Variants in FAT4 observed in about 807,000 individuals in gnomAD.
FAT4 encodes the protein FAT atypical cadherin 4, also known as protocadherin Fat 4.
A neutral mutation model predicts 303.9 loss-of-function variants in FAT4; 84 were observed. The ratio of observed to expected loss-of-function variants is 0.28; its 90% confidence interval spans 0.23 to 0.33. The LOEUF is 0.33. FAT4 is among the 10% of genes least tolerant of loss of function. The pLI, the probability that FAT4 is intolerant of heterozygous loss-of-function variation, is 1.00. For synonymous variants in FAT4, 2,307 were observed against 2,298.8 expected (o/e 1.00, Z -0.10); for missense variants, 6,005 against 6,146.8 (o/e 0.98, Z 0.77).
At chr4:125,382,880 G>T (rs948307099) in intron 2 of FAT4, among the ~76,000 whole-genome samples, 1 of 152,174 alleles carries the variant, frequency 6.6e-6, no homozygotes, top group African/African-American at 2.4e-5. Context: ...TTCACCTTGT[G>T]CTTTTATGTT....
At chr4:125,327,496 C>A (rs1452384491) in intron 2 of FAT4, among the ~76,000 whole-genome samples, 2 of 152,026 alleles carry the variant, frequency 1.3e-5, no homozygotes, top group Non-Finnish European at 2.9e-5. Context: ...GATTTTGTTT[C>A]TTCCCTATTG....
chr4:125,438,627 A>C (rs923349549), intron 8 of FAT4, among the ~76,000 whole-genome samples: 1 of 152,214 alleles, frequency 6.6e-6, no homozygotes, highest in African/African-American at 2.4e-5. Flanking sequence ...TGAATAAAAA[A>C]CATTCAATTC....
In FAT4 at chr4:125,407,141, G is replaced by A; in HGVS notation, c.5569G>A (p.Gly1857Ser). 1 of 1,608,318 alleles carries A rather than the reference G, an allele frequency of 6.2e-7. No individual in the cohort carries two copies. Among genetic ancestry groups the A allele is most frequent in the Non-Finnish European group, 8.5e-7 (1 of 1,175,382 alleles). The change falls in exon 4 of 18, where the codon GGT becomes AGT. Residue 1857 changes from glycine (G) to serine (S), a missense_variant and splice_region_variant. Gly to Ser is a moderately conservative substitution (Grantham distance 56, BLOSUM62 0). Transcript: ENST00000394329. ...TGACATTCCTGAGGACACAATCCCTGGTAGGTGATGGGTCTCTTATGTGTA... is the reference window on the plus strand; with the variant it reads ...TGACATTCCTGAGGACACAATCCCTAGTAGGTGATGGGTCTCTTATGTGTA... ...SFDIPEDTIP[G>S]SLVAAILATD... is the part of the protein sequence containing the mutation.
Position 125,448,763 on chromosome 4 carries a change from A to C in FAT4, c.7753A>C (p.Ser2585Arg). The C allele has an allele frequency of 6.2e-7, 1 of 1,612,548 alleles. No homozygotes were observed. The highest frequency in any genetic ancestry group is 8.5e-7 in the Non-Finnish European group (1 of 1,179,920). ...TFMFPENQPV[S>R]SLVTTITGSS... ...CATGTTTCCTGAAAACCAACCAGTC[A>C]GCTCTCTTGTCACCACCATCACAGG... is the stretch of plus-strand genomic sequence containing the variant. Residue 2585 changes from serine to arginine, a missense_variant, in exon 10 of 18, where the codon AGC (serine) becomes CGC (arginine). Physicochemically the swap from Ser to Arg is moderately radical, Grantham distance 110. Transcript: ENST00000394329.
chr4:125,413,501 T>G (rs1374504178), intron 5 of FAT4, among the ~76,000 whole-genome samples: 1 of 151,924 alleles, frequency 6.6e-6, no homozygotes, highest in Non-Finnish European at 1.5e-5. Context: ...ATCCTAGAAA[T>G]TTTTGTTAAT....
In FAT4 at chr4:125,315,096, G is replaced by T. The variant is rs976638600; in HGVS notation, c.-894G>T. On this transcript the variant is annotated 5_prime_UTR_variant, in exon 1 of 18. It removes an upstream start codon present in the reference 5' UTR. Transcript: ENST00000394329. ...CGTGTGTATGTGTGTGTGTGTGCAT[G>T]CCTGTGCGGCGGGGAAGGGGCGGGG... is the stretch of plus-strand genomic sequence containing the variant. 6.6e-6 allele frequency among the ~76,000 whole-genome samples: 1 copy of T among 152,074 alleles called. No homozygotes were observed. The highest frequency in any genetic ancestry group is 2.4e-5 in the African/African-American group (1 of 41,404).
At chr4:125,437,159 C>T (rs1037754902) in intron 8 of FAT4, among the ~76,000 whole-genome samples, 2 of 151,986 alleles carry the variant, frequency 1.3e-5, no homozygotes, top group Non-Finnish European at 1.5e-5. Context: ...CTGGCCGACA[C>T]ATGGGGATTA....
intron 7 of FAT4, among the ~76,000 whole-genome samples, chr4:125,417,390 G>A (rs746456922): frequency 9.9e-5 from 15 of 152,136 alleles, no homozygotes; most frequent in Non-Finnish European, 1.9e-4. Context: ...GGCTGCTCAA[G>A]AACAAAGTCC....
chr4:125,321,158 G>T lies in FAT4; in HGVS notation c.4747G>T (p.Asp1583Tyr). 1 of 1,614,144 alleles carries T rather than the reference G, an allele frequency of 6.2e-7. No homozygotes were observed. Among genetic ancestry groups the T allele is most frequent in the Non-Finnish European group, 8.5e-7 (1 of 1,179,986 alleles). The stretch of plus-strand genomic sequence containing the variant: ...CTTCATTGTTGATCGTTATAGTGGA[G>T]ACCTGAGAGTGGCTTCAGCGTTGGT... ...DTFIVDRYSG[D>Y]LRVASALVPS... The change falls in exon 2 of 18, where the codon GAC becomes TAC. Residue 1583 changes from aspartate to tyrosine, a missense_variant. By Grantham distance (160) the Asp-to-Tyr change is radical. Transcript: ENST00000394329.
intron 2 of FAT4, among the ~76,000 whole-genome samples, chr4:125,334,366 A>T (rs1255318158): frequency 6.6e-6 from 1 of 151,948 alleles, no homozygotes; most frequent in South Asian, 2.1e-4. Flanking sequence ...TCCCATCCAT[A>T]TTGTTGTCCC....
chr4:125,402,493 A>G (rs975251053), intron 3 of FAT4, among the ~76,000 whole-genome samples: 5 of 152,046 alleles, frequency 3.3e-5, no homozygotes, highest in Non-Finnish European at 5.9e-5. Context: ...ACACCTGAAT[A>G]TACAAGGTAA....
intron 8 of FAT4, among the ~76,000 whole-genome samples, chr4:125,443,639 C>T (rs1354559511): frequency 1.3e-5 from 2 of 152,014 alleles, no homozygotes; most frequent in African/African-American, 4.8e-5. Context: ...TATAAATTGC[C>T]CAGTAGTGTG....
chr4:125,430,126 G>C (rs996512526), intron 7 of FAT4, among the ~76,000 whole-genome samples: 2 of 149,098 alleles, frequency 1.3e-5, no homozygotes, highest in Non-Finnish European at 3.0e-5. Flanking sequence ...AAACCTGCAC[G>C]TTGTGCACAT....
chr4:125,451,493 A>G lies in FAT4; in HGVS notation c.10483A>G (p.Ser3495Gly), dbSNP rs767617118. The G allele has an allele frequency of 6.2e-6, 10 of 1,614,002 alleles. No individual in the cohort carries two copies. The African/African-American group carries it at 9.3e-5, about 15-fold the overall frequency. ...VDSGTPSATGSASLLVTLEDI... is the reference protein window; with the variant it reads ...VDSGTPSATGGASLLVTLEDI... ...TTCAGGGACCCCCTCAGCTACAGGTAGTGCCTCTTTATTAGTCACCCTGGA... is the reference window on the plus strand; with the variant it reads ...TTCAGGGACCCCCTCAGCTACAGGTGGTGCCTCTTTATTAGTCACCCTGGA... The change falls in exon 10 of 18, where the codon AGT becomes GGT. Residue 3495 changes from serine (S) to glycine (G), a missense_variant. By Grantham distance (56) the Ser-to-Gly change is moderately conservative. Transcript: ENST00000394329.
chr4:125,361,991 C>T (rs1732693170), intron 2 of FAT4, among the ~76,000 whole-genome samples: 1 of 151,936 alleles, frequency 6.6e-6, no homozygotes, highest in African/African-American at 2.4e-5. Context: ...TATTATTTTC[C>T]CTACTAACCA....
chr4:125,392,653 G>C (rs1363427017), intron 2 of FAT4, among the ~76,000 whole-genome samples: 2 of 152,016 alleles, frequency 1.3e-5, no homozygotes, highest in Non-Finnish European at 2.9e-5. Flanking sequence ...GCATTGATAA[G>C]ACGAACTCTC....
chr4:125,491,852 T>C lies in FAT4; in HGVS notation c.*84T>C. The C allele has an allele frequency of 7.1e-7, 1 of 1,398,794 alleles. No individual in the cohort carries two copies. Among genetic ancestry groups the C allele is most frequent in the Non-Finnish European group, 9.6e-7 (1 of 1,047,062 alleles). 86.6% of individuals were successfully genotyped at this position (1,398,794 alleles called of 1,614,324 possible). A position where few individuals can be genotyped will look rare whatever the true frequency, so the allele number is the denominator to read the frequency against. The stretch of plus-strand genomic sequence containing the variant: ...AAGTTGCTGACTAGGTTGGGTCACA[T>C]TTGAAAAACAGGCCAGTATGGACTA... On this transcript the variant is annotated 3_prime_UTR_variant, in exon 18 of 18. Coordinates refer to ENST00000394329, the MANE Select transcript of FAT4 (RefSeq NM_001291303.3).
At chr4:125,469,515 TATTA>T (rs1179228100) in intron 12 of FAT4, among the ~76,000 whole-genome samples, 7 of 152,240 alleles carry the variant, frequency 4.6e-5, no homozygotes, top group Non-Finnish European at 1.0e-4. Flanking sequence ...GATGCTAATT[TATTA>T]ATTAAGCCTA....
rs573499833 is a variant in FAT4 at position 125,315,707 on chromosome 4, G to A, written c.-283G>A. The stretch of plus-strand genomic sequence containing the variant: ...AAGGGGCAGAGTTGAGCGCTCCCGG[G>A]TACGGGAGCCAGAGCGCGAACGCTA... On this transcript the variant is annotated 5_prime_UTR_variant, in exon 1 of 18. Transcript: ENST00000394329. Among the ~76,000 whole-genome samples, 171 of 152,170 alleles carry A rather than the reference G, an allele frequency of 1.1e-3. 2 individuals are homozygous for A. The highest frequency in any genetic ancestry group is 1.9e-3 in the Non-Finnish European group (126 of 68,020).
Sources: gnomAD v4.1 joint callset for allele counts (sites outside exome capture counted in the v4.1 genomes callset) on GRCh38, gnomAD v4.1.1 for gene constraint, MANE v1.5 for transcripts, NCBI Gene and HGNC (gene_info 2026-07-23, HGNC 2026-07-21) for gene names.